The following IGF2BP2 variants were observed in gnomAD, a reference collection of about 807,000 sequenced individuals.
IGF2BP2 encodes insulin-like growth factor 2 mRNA-binding protein 2.
Under a neutral mutation model 75.8 loss-of-function variants are expected in IGF2BP2, and 17 were observed. The ratio of observed to expected loss-of-function variants is 0.22; its 90% CI spans 0.15 to 0.34. IGF2BP2 has a LOEUF of 0.34. Among genes scored for constraint, IGF2BP2 ranks in the 10% least tolerant of loss-of-function variants. The pLI, the probability that IGF2BP2 is intolerant of heterozygous loss-of-function variation, is 1.00. For missense variants in IGF2BP2, 516 were observed against 772.4 expected (o/e 0.67, Z 3.93); for synonymous variants, 288 against 295.6 (o/e 0.97, Z 0.26).
intron 10 of IGF2BP2, 73 bp from the exon 11 acceptor site, chr3:185,658,482 C>T (rs1577841964): frequency 1.6e-6 from 2 of 1,278,182 alleles, no homozygotes; most frequent in Non-Finnish European, 2.2e-6. Flanking sequence ...AGGCCAGATT[C>T]CCAACATGCG....
At chr3:185,723,650 C>T (rs998180262) in intron 2 of IGF2BP2, among the ~76,000 whole-genome samples, 15 of 152,138 alleles carry the variant, frequency 9.9e-5, no homozygotes, top group Admixed American at 2.0e-4. Flanking sequence ...TCTGAACAGG[C>T]GCTGAGAGCT....
In IGF2BP2 at chr3:185,696,658, C is replaced by T. The variant is rs761394787; in HGVS notation, c.294G>A (p.Leu98=). 3.1e-6 allele frequency: 5 copies of T among 1,613,524 alleles called. No homozygotes were observed. In the Admixed American group the frequency reaches 8.3e-5, roughly 27 times the overall value. ...NIPPHLQWEV[L]DGLLAQYGTV... is the part of the protein sequence containing the mutation. ...TCCCATATTGAGCCAAAAGTCCATCCAACACCTAAAAGAGAAAGCTTCCAT... is the reference window on the plus strand; with the variant it reads ...TCCCATATTGAGCCAAAAGTCCATCTAACACCTAAAAGAGAAAGCTTCCAT... The change falls in exon 4 of 16, where the codon TTG becomes TTA. Residue 98 remains leucine (L), a synonymous_variant. Transcript: ENST00000382199.
chr3:185,781,810 T>C (rs1266156867), intron 2 of IGF2BP2, among the ~76,000 whole-genome samples: 1 of 152,098 alleles, frequency 6.6e-6, no homozygotes, highest in South Asian at 2.1e-4. Context: ...TGTGTATGCA[T>C]GAGTGCGTTT....
chr3:185,744,617 G>A (rs543155855), intron 2 of IGF2BP2, among the ~76,000 whole-genome samples: 1 of 152,270 alleles, frequency 6.6e-6, no homozygotes, highest in African/African-American at 2.4e-5. Flanking sequence ...AGACTAGCCT[G>A]GCCAACATGG....
intron 2 of IGF2BP2, among the ~76,000 whole-genome samples, chr3:185,802,302 C>G (rs1578357606): frequency 6.6e-6 from 1 of 152,320 alleles, no homozygotes; most frequent in East Asian, 1.9e-4. Context: ...ATGAAGTGTT[C>G]TTGACTAACC....
chr3:185,686,395 AAAG>A, intron 7 of IGF2BP2, among the ~76,000 whole-genome samples: 1 of 152,090 alleles, frequency 6.6e-6, no homozygotes. Context: ...AAAAAAAAAA[AAAG>A]GAGAGGGGGG....
intron 15 of IGF2BP2, 59 bp downstream of exon 15, chr3:185,646,966 G>A (rs1325704698): frequency 4.5e-6 from 6 of 1,321,026 alleles, no homozygotes; most frequent in Admixed American, 1.7e-5. Context: ...GCCACCAGCA[G>A]CTTAGCAGAG....
chr3:185,785,272 G>C (rs1252984194), intron 2 of IGF2BP2, among the ~76,000 whole-genome samples: 1 of 144,408 alleles, frequency 6.9e-6, no homozygotes, highest in East Asian at 2.1e-4. Flanking sequence ...CTGCACTCCA[G>C]CCTGGGCAAC....
At chr3:185,812,435 T>C (rs939100040) in intron 2 of IGF2BP2, among the ~76,000 whole-genome samples, 1 of 152,308 alleles carries the variant, frequency 6.6e-6, no homozygotes, top group South Asian at 2.1e-4. Context: ...ATAGATTTAG[T>C]AGTCTGGCAT....
Position 185,647,096 on chromosome 3 carries a change from G to C in IGF2BP2, c.1636C>G (p.Pro546Ala). The C allele has an allele frequency of 2.5e-6, 4 of 1,614,176 alleles. No individual in the cohort carries two copies. The highest frequency in any genetic ancestry group is 3.4e-6 in the Non-Finnish European group (4 of 1,180,008). ...TTTTCATCTGGCGTTTGGTCACGAG[G>C]CACGATGACTTCTGCACTGGTTAAG... The part of the protein sequence containing the change: ...QNLTSAEVIV[P>A]RDQTPDENEE... Residue 546 changes from proline to alanine, a missense_variant, in exon 15 of 16, where the codon CCT becomes GCT. Transcript: ENST00000382199. The surrounding 1 kb of genome is among the most constrained non-coding windows in gnomAD (Gnocchi z 4.9).
intron 2 of IGF2BP2, among the ~76,000 whole-genome samples, chr3:185,803,932 T>C (rs906667720): frequency 5.9e-5 from 9 of 152,096 alleles, no homozygotes; most frequent in African/African-American, 1.9e-4. Context: ...GAGACCAGCC[T>C]GGCCAACATG....
chr3:185,657,479 C>G (rs1715639282), intron 11 of IGF2BP2, 77 bp from the exon 12 acceptor site: 1 of 1,113,160 alleles, frequency 9.0e-7, no homozygotes, highest in Non-Finnish European at 1.3e-6. Context: ...GTACCAAGCA[C>G]CTTACCATGA....
rs1719183574 is a variant in IGF2BP2 at position 185,675,441 on chromosome 3, G to A, written c.936-10C>T. On this transcript the variant is annotated splice_polypyrimidine_tract_variant and intron_variant, in intron 8 of 15. Coordinates refer to ENST00000382199, the MANE Select transcript of IGF2BP2 (RefSeq NM_006548.6). The stretch of plus-strand genomic sequence containing the variant: ...GCTCAAATCCTGCAAACTGACCCAT[G>A]AGAAGAAAAGAGAAATTTTGTTTTC... The A allele has an allele frequency of 6.3e-7, 1 of 1,588,568 alleles. No homozygotes were observed. The highest frequency in any genetic ancestry group is 1.4e-5 in the African/African-American group (1 of 73,120).
At chr3:185,752,909 T>C (rs1417240026) in intron 2 of IGF2BP2, among the ~76,000 whole-genome samples, 3 of 152,148 alleles carry the variant, frequency 2.0e-5, no homozygotes, top group Admixed American at 1.3e-4. Context: ...ATTTTAAACT[T>C]TTAAAAAAAT....
intron 2 of IGF2BP2, among the ~76,000 whole-genome samples, chr3:185,765,904 G>A (rs1411902455): frequency 6.6e-6 from 1 of 152,174 alleles, no homozygotes; most frequent in Non-Finnish European, 1.5e-5. Flanking sequence ...AGCTAAATAC[G>A]GAACATGCCA....
intron 2 of IGF2BP2, among the ~76,000 whole-genome samples, chr3:185,734,139 GCAGCTGCT>G (rs1728550281): frequency 6.6e-6 from 1 of 152,146 alleles, no homozygotes; most frequent in African/African-American, 2.4e-5. Context: ...GTTCCTCTAG[GCAGCTGCT>G]CACCTCTGCT....
intron 2 of IGF2BP2, among the ~76,000 whole-genome samples, chr3:185,766,956 G>A (rs561554468): frequency 2.6e-5 from 4 of 152,292 alleles, no homozygotes; most frequent in South Asian, 2.1e-4. Context: ...TGTAGCTGCC[G>A]TCTTTTAGAC....
intron 2 of IGF2BP2, among the ~76,000 whole-genome samples, chr3:185,704,918 A>G (rs1468722790): frequency 2.0e-5 from 3 of 152,258 alleles, no homozygotes; most frequent in Non-Finnish European, 2.9e-5. Flanking sequence ...AAATAAATGC[A>G]TTAGGAAACG....
intron 2 of IGF2BP2, among the ~76,000 whole-genome samples, chr3:185,722,756 C>T (rs1404600675): frequency 6.6e-6 from 1 of 152,084 alleles, no homozygotes; most frequent in African/African-American, 2.4e-5. Flanking sequence ...TGGCCTGATG[C>T]TATGTTTTTA....
Sources: gnomAD v4.1 joint callset for allele counts (sites outside exome capture counted in the v4.1 genomes callset) on GRCh38, gnomAD v4.1.1 for gene constraint, Gnocchi (gnomAD v3.1) non-coding constraint, MANE v1.5 for transcripts, NCBI Gene and HGNC (gene_info 2026-07-23, HGNC 2026-07-21) for gene names.